The following SSBP2 variants were observed in gnomAD, a reference collection of about 807,000 sequenced individuals.
The protein encoded by SSBP2 is single-stranded DNA-binding protein 2.
Under a neutral mutation model 61.8 loss-of-function variants are expected in SSBP2, and 17 were observed. The ratio of observed to expected loss-of-function variants is 0.28; its 90% confidence interval spans 0.19 to 0.41. The LOEUF (loss-of-function observed/expected upper bound fraction) is 0.41. Ranked by LOEUF, SSBP2 falls within the 10% of genes least tolerant of loss-of-function variation. The pLI, the probability that SSBP2 is intolerant of heterozygous loss-of-function variation, is 1.00. For synonymous variants in SSBP2, 139 were observed against 141.3 expected (o/e 0.98, Z 0.12); for missense variants, 310 against 458.7 (o/e 0.68, Z 2.96).
At chr5:81,507,552 C>T (rs1768273354) in intron 5 of SSBP2, among the ~76,000 whole-genome samples, 1 of 151,956 alleles carries the variant, frequency 6.6e-6, no homozygotes, top group African/African-American at 2.4e-5. Flanking sequence ...GTTACAGAAT[C>T]AAAGATATTA....
chr5:81,492,022 C>G (rs189908817), intron 5 of SSBP2, among the ~76,000 whole-genome samples: 6 of 152,314 alleles, frequency 3.9e-5, no homozygotes, highest in South Asian at 2.1e-4. Context: ...ATAATCTGCA[C>G]TAGTATCTGT....
chr5:81,498,833 A>G (rs1424834556), intron 5 of SSBP2, among the ~76,000 whole-genome samples: 3 of 152,118 alleles, frequency 2.0e-5, no homozygotes, highest in East Asian at 1.9e-4. Flanking sequence ...AAAAATCACT[A>G]GAGTATTGTG....
intron 1 of SSBP2, among the ~76,000 whole-genome samples, chr5:81,728,143 TAA>T (rs1352237906): frequency 6.6e-6 from 1 of 152,060 alleles, no homozygotes; most frequent in East Asian, 1.9e-4. Context: ...ACCGTTAGTC[TAA>T]GTTTTATTCT....
At chr5:81,579,593 T>C (rs1774489585) in intron 4 of SSBP2, among the ~76,000 whole-genome samples, 1 of 152,164 alleles carries the variant, frequency 6.6e-6, no homozygotes, top group Non-Finnish European at 1.5e-5. Context: ...GCTTCTGTCC[T>C]CATCCACTAC....
chr5:81,727,549 C>CAA (rs71000857), intron 1 of SSBP2, among the ~76,000 whole-genome samples: 8 of 146,764 alleles, frequency 5.5e-5, no homozygotes, highest in Non-Finnish European at 9.0e-5. Flanking sequence ...AACTCCACCT[C>CAA]AAAAAAAAAA....
At chr5:81,501,511 G>C (rs1195294768) in intron 5 of SSBP2, among the ~76,000 whole-genome samples, 1 of 148,874 alleles carries the variant, frequency 6.7e-6, no homozygotes, top group Non-Finnish European at 1.5e-5. Context: ...GTGCACAAAG[G>C]GTATTCAGTT....
intron 4 of SSBP2, among the ~76,000 whole-genome samples, chr5:81,582,388 GCATT>G (rs1193589875): frequency 6.6e-6 from 1 of 152,002 alleles, no homozygotes; most frequent in Non-Finnish European, 1.5e-5. Flanking sequence ...CAAAAAGAAA[GCATT>G]CATTCTCCTG....
At chr5:81,565,523 G>C (rs1156503118) in intron 4 of SSBP2, among the ~76,000 whole-genome samples, 1 of 152,106 alleles carries the variant, frequency 6.6e-6, no homozygotes, top group Non-Finnish European at 1.5e-5. Flanking sequence ...TATTTTAGAA[G>C]TGTTTCCCTA....
chr5:81,486,166 T>G (rs1766365263), intron 6 of SSBP2, among the ~76,000 whole-genome samples: 1 of 152,154 alleles, frequency 6.6e-6, no homozygotes, highest in Non-Finnish European at 1.5e-5. Context: ...AAAGACTATT[T>G]ATGATTCTTG....
chr5:81,504,385 C>G (rs1486335814), intron 5 of SSBP2, among the ~76,000 whole-genome samples: 1 of 152,166 alleles, frequency 6.6e-6, no homozygotes, highest in Non-Finnish European at 1.5e-5. Context: ...TTCTTCTTGA[C>G]TTGGATTTCT....
intron 3 of SSBP2, among the ~76,000 whole-genome samples, chr5:81,631,972 A>C (rs1419822591): frequency 1.3e-5 from 2 of 152,184 alleles, no homozygotes; most frequent in Non-Finnish European, 2.9e-5. Context: ...CTCCACACAC[A>C]CCATGATCAT....
chr5:81,451,532 T>C (rs961747639), intron 10 of SSBP2, among the ~76,000 whole-genome samples: 1 of 152,202 alleles, frequency 6.6e-6, no homozygotes, highest in African/African-American at 2.4e-5. Context: ...GTTCAAGCGA[T>C]TGTCCTGCCT....
At chr5:81,641,465 G>A (rs944249721) in intron 2 of SSBP2, among the ~76,000 whole-genome samples, 8 of 151,984 alleles carry the variant, frequency 5.3e-5, no homozygotes, top group Admixed American at 1.3e-4. Context: ...TAAAACTTCC[G>A]TCCATCATAC....
At chr5:81,433,328 A>C (rs1355719249) in intron 15 of SSBP2, among the ~76,000 whole-genome samples, 1 of 152,058 alleles carries the variant, frequency 6.6e-6, no homozygotes. Context: ...GTGCTCTCTG[A>C]AACATGTGCG....
intron 1 of SSBP2, among the ~76,000 whole-genome samples, chr5:81,701,744 T>C (rs191591447): frequency 1.1e-3 from 173 of 152,338 alleles, no homozygotes; most frequent in African/African-American, 4.0e-3. Flanking sequence ...TGTTCCATCC[T>C]TGGCACCTAA....
At chr5:81,730,337 G>T (rs1175656539) in intron 1 of SSBP2, among the ~76,000 whole-genome samples, 1 of 152,070 alleles carries the variant, frequency 6.6e-6, no homozygotes, top group Non-Finnish European at 1.5e-5. Flanking sequence ...CAATCCTCCT[G>T]CCTCAGCCTC....
At chr5:81,627,360 T>C (rs1409643831) in intron 3 of SSBP2, among the ~76,000 whole-genome samples, 2 of 152,186 alleles carry the variant, frequency 1.3e-5, no homozygotes. Context: ...TCTAGCCCCG[T>C]TGTCACCTAC....
intron 1 of SSBP2, among the ~76,000 whole-genome samples, chr5:81,734,052 A>G (rs924223183): frequency 1.3e-5 from 2 of 152,246 alleles, no homozygotes; most frequent in African/African-American, 4.8e-5. Flanking sequence ...GTAAATGGAC[A>G]AAAGGATGAC....
intron 4 of SSBP2, among the ~76,000 whole-genome samples, chr5:81,578,078 C>T (rs1225580327): frequency 6.6e-6 from 1 of 151,796 alleles, no homozygotes; most frequent in African/African-American, 2.4e-5. Flanking sequence ...GGATTTAAAC[C>T]GAGGTAGATA....
Sources: gnomAD v4.1 joint callset for allele counts (sites outside exome capture counted in the v4.1 genomes callset) on GRCh38, gnomAD v4.1.1 for gene constraint, MANE v1.5 for transcripts, NCBI Gene and HGNC (gene_info 2026-07-23, HGNC 2026-07-21) for gene names.